The following GPC6 variants were observed in gnomAD, a reference collection of about 807,000 sequenced individuals.
GPC6 encodes the protein glypican 6.
Under a neutral mutation model 55.2 loss-of-function variants are expected in GPC6, and 14 were observed. The ratio of observed to expected loss-of-function variants is 0.25; its 90% CI spans 0.17 to 0.40. The LOEUF (loss-of-function observed/expected upper bound fraction) is 0.40. Ranked by LOEUF, GPC6 falls within the 10% of genes least tolerant of loss-of-function variation. GPC6 has a pLI of 1.00. For missense variants in GPC6, 641 were observed against 708.5 expected (o/e 0.90, Z 1.08); for synonymous variants, 278 against 259.6 (o/e 1.07, Z -0.68).
chr13:94,331,853 C>A (rs987872517), intron 6 of GPC6, among the ~76,000 whole-genome samples: 2 of 152,148 alleles, frequency 1.3e-5, no homozygotes, highest in Non-Finnish European at 2.9e-5. Flanking sequence ...AAGTTTTAAG[C>A]ATTGGAATAT....
intron 6 of GPC6, among the ~76,000 whole-genome samples, chr13:94,336,770 T>C (rs1287816817): frequency 6.6e-6 from 1 of 152,096 alleles, no homozygotes; most frequent in African/African-American, 2.4e-5. Flanking sequence ...TCCAAAATCA[T>C]TGAATTTATG....
intron 4 of GPC6, among the ~76,000 whole-genome samples, chr13:94,060,504 A>T (rs1476814436): frequency 2.0e-5 from 3 of 152,214 alleles, no homozygotes; most frequent in Non-Finnish European, 4.4e-5. Context: ...CTTGCCACTT[A>T]GGCCATTTAA....
At chr13:93,871,752 C>G (rs188770247) in intron 3 of GPC6, among the ~76,000 whole-genome samples, 1 of 151,868 alleles carries the variant, frequency 6.6e-6, no homozygotes. Flanking sequence ...GTCACCATTA[C>G]CAGTACAAGG....
At chr13:93,897,727 T>C (rs1007420243) in intron 3 of GPC6, among the ~76,000 whole-genome samples, 3 of 151,790 alleles carry the variant, frequency 2.0e-5, no homozygotes, top group African/African-American at 4.8e-5. Context: ...TAGTCTTCTG[T>C]CCCCCCCATC....
chr13:94,073,239 A>G (rs1594714383), intron 4 of GPC6, among the ~76,000 whole-genome samples: 1 of 152,246 alleles, frequency 6.6e-6, no homozygotes, highest in African/African-American at 2.4e-5. Context: ...CAGGAATACC[A>G]TCGTTATTAC....
At chr13:94,351,558 G>A (rs1878543956) in intron 6 of GPC6, among the ~76,000 whole-genome samples, 1 of 151,994 alleles carries the variant, frequency 6.6e-6, no homozygotes, top group Non-Finnish European at 1.5e-5. Flanking sequence ...AATCTTCTCT[G>A]AGAAGCCTAC....
intron 1 of GPC6, among the ~76,000 whole-genome samples, chr13:93,518,392 T>A (rs1293645992): frequency 6.6e-6 from 1 of 151,904 alleles, no homozygotes; most frequent in Non-Finnish European, 1.5e-5. Flanking sequence ...TTCTCCACTT[T>A]TCCAATCTGT....
chr13:93,704,592 G>A (rs993262066), intron 2 of GPC6, among the ~76,000 whole-genome samples: 1 of 151,852 alleles, frequency 6.6e-6, no homozygotes, highest in African/African-American at 2.4e-5. Flanking sequence ...GAATCCTATT[G>A]TTTTTACTCA....
At chr13:93,468,146 C>T (rs184660899) in intron 1 of GPC6, among the ~76,000 whole-genome samples, 1 of 151,818 alleles carries the variant, frequency 6.6e-6, no homozygotes, top group East Asian at 1.9e-4. Context: ...AACCTGAAAA[C>T]TCTTTAGTAG....
In GPC6 at chr13:93,952,876, A is replaced by ATATATATACG. The variant is rs896820929; in HGVS notation, c.712-74845_712-74844insCGTATATATA. Reference sequence around the variant, plus strand: ...TACGTATATATATGTATATATATACATATATATATGTGTGATATATACGTG... The same window carrying ATATATATACG: ...TACGTATATATATGTATATATATACATATATATACGTATATATATGTGTGATATATACGTG... On this transcript the variant is annotated intron_variant, in intron 3 of 8. Coordinates refer to ENST00000377047, the MANE Select transcript of GPC6 (RefSeq NM_005708.5). 4.5e-5 allele frequency among the ~76,000 whole-genome samples: 5 copies of ATATATATACG among 109,976 alleles called. No homozygotes were observed. In the South Asian group the frequency reaches 1.0e-3, roughly 23 times the overall value. 72.1% of individuals were successfully genotyped at this position (109,976 alleles called of 152,430 possible).
At chr13:93,671,806 G>C (rs552439520) in intron 2 of GPC6, among the ~76,000 whole-genome samples, 1 of 152,072 alleles carries the variant, frequency 6.6e-6, no homozygotes, top group South Asian at 2.1e-4. Flanking sequence ...ACACTGCCTA[G>C]GACATTGGTG....
At chr13:93,430,179 T>C (rs1877303672) in intron 1 of GPC6, among the ~76,000 whole-genome samples, 1 of 152,144 alleles carries the variant, frequency 6.6e-6, no homozygotes, top group Non-Finnish European at 1.5e-5. Flanking sequence ...GACAAAATAG[T>C]AACTGATGAT....
At chr13:93,719,621 T>A (rs929339070) in intron 2 of GPC6, among the ~76,000 whole-genome samples, 1 of 152,078 alleles carries the variant, frequency 6.6e-6, no homozygotes, top group African/African-American at 2.4e-5. Flanking sequence ...TAATACTATG[T>A]TGAATAGGAG....
rs896020644 is a variant in GPC6 at position 93,393,911 on chromosome 13, C to T, written c.161-151352C>T. 2.8e-4 allele frequency among the ~76,000 whole-genome samples: 42 copies of T among 152,042 alleles called. 1 individual carries two copies. The highest frequency in any genetic ancestry group is 8.9e-4 in the African/African-American group (37 of 41,450). ...CTTCCTCACTTTTTATATAGCAAGG[C>T]TCAGCACAGTGTGTTATGTATAGCA... On this transcript the variant is annotated intron_variant, in intron 1 of 8. Coordinates refer to ENST00000377047, the MANE Select transcript of GPC6 (RefSeq NM_005708.5).
At chr13:94,382,195 A>G (rs954932071) in intron 6 of GPC6, among the ~76,000 whole-genome samples, 1 of 152,148 alleles carries the variant, frequency 6.6e-6, no homozygotes, top group African/African-American at 2.4e-5. Flanking sequence ...CAAAAAGCCA[A>G]TTACCTGAGA....
At chr13:94,373,993 A>C (rs1231287899) in intron 6 of GPC6, among the ~76,000 whole-genome samples, 1 of 152,032 alleles carries the variant, frequency 6.6e-6, no homozygotes, top group African/African-American at 2.4e-5. Flanking sequence ...GAAATAAAAT[A>C]CTTTACAGAC....
At chr13:94,035,657 A>G (rs1361830619) in intron 4 of GPC6, among the ~76,000 whole-genome samples, 1 of 152,056 alleles carries the variant, frequency 6.6e-6, no homozygotes, top group Non-Finnish European at 1.5e-5. Flanking sequence ...TAAAGTGAAA[A>G]GCCTTATTTT....
intron 1 of GPC6, among the ~76,000 whole-genome samples, chr13:93,435,787 A>G (rs1877549070): frequency 2.0e-5 from 3 of 152,312 alleles, no homozygotes; most frequent in South Asian, 4.1e-4. Context: ...GGCAGATGCA[A>G]GGATCAAATA....
intron 3 of GPC6, among the ~76,000 whole-genome samples, chr13:93,930,292 G>A (rs1343652153): frequency 3.3e-5 from 2 of 59,996 alleles, no homozygotes; most frequent in African/African-American, 1.3e-4. Flanking sequence ...TTTTTTTGTA[G>A]ACAGAGTCTC....
Sources: allele counts gnomAD v4.1 joint callset (sites outside exome capture counted in the v4.1 genomes callset), GRCh38; gene constraint gnomAD v4.1.1; transcripts MANE v1.5; gene names NCBI Gene and HGNC (gene_info 2026-07-23, HGNC 2026-07-21).